PCED1B: variants seen among roughly 807,000 people sequenced by gnomAD.
PCED1B encodes PC-esterase domain containing 1B.
For synonymous variants in PCED1B, 251 were observed against 246.1 expected (o/e 1.02, Z -0.19); for missense variants, 573 against 573.9 (o/e 1.00, Z 0.02).
intron 2 of PCED1B, among the ~76,000 whole-genome samples, chr12:47,146,163 A>C (rs1467491013): frequency 6.6e-6 from 1 of 152,200 alleles, no homozygotes; most frequent in Non-Finnish European, 1.5e-5. Context: ...TGTAGCGCAA[A>C]TAGCAATGCA....
chr12:47,234,693 G>T (rs940762), intron 3 of PCED1B, among the ~76,000 whole-genome samples: 1 of 152,044 alleles, frequency 6.6e-6, no homozygotes, highest in African/African-American at 2.4e-5. Context: ...TCTCATCCCT[G>T]GGGAGGGTGG....
At chr12:47,159,895 A>G (rs1475179072) in intron 2 of PCED1B, among the ~76,000 whole-genome samples, 1 of 152,168 alleles carries the variant, frequency 6.6e-6, no homozygotes, top group Non-Finnish European at 1.5e-5. Context: ...TCTATAATCC[A>G]TCTTGAGTTG....
At chr12:47,103,296 C>CT (rs1938797724) in intron 1 of PCED1B, among the ~76,000 whole-genome samples, 1 of 152,056 alleles carries the variant, frequency 6.6e-6, no homozygotes, top group South Asian at 2.1e-4. Flanking sequence ...TTAAAAATGT[C>CT]TTATCTTGGA....
chr12:47,213,322 GA>G (rs1565604982), intron 2 of PCED1B, among the ~76,000 whole-genome samples: 1 of 151,980 alleles, frequency 6.6e-6, no homozygotes, highest in Admixed American at 6.6e-5. Flanking sequence ...GCTTTGAAGA[GA>G]AATTATCAAA....
chr12:47,123,532 C>A (rs1350880561), intron 2 of PCED1B, among the ~76,000 whole-genome samples: 1 of 151,966 alleles, frequency 6.6e-6, no homozygotes, highest in Non-Finnish European at 1.5e-5. Flanking sequence ...ATCAACAAAA[C>A]AATGTACCAA....
intron 2 of PCED1B, among the ~76,000 whole-genome samples, chr12:47,149,065 T>C (rs1209922732): frequency 6.6e-6 from 1 of 152,242 alleles, no homozygotes; most frequent in Non-Finnish European, 1.5e-5. Flanking sequence ...AGGATACCAT[T>C]AGCCTAACAA....
intron 1 of PCED1B, among the ~76,000 whole-genome samples, chr12:47,087,001 T>C (rs529065376): frequency 7.9e-5 from 12 of 152,312 alleles, no homozygotes; most frequent in Middle Eastern, 6.8e-3. Context: ...CAAAATAAAA[T>C]TGAGAGAGAA....
intron 2 of PCED1B, among the ~76,000 whole-genome samples, chr12:47,157,444 G>GC (rs1041514037): frequency 4.6e-5 from 7 of 152,048 alleles, no homozygotes; most frequent in African/African-American, 1.7e-4. Flanking sequence ...TTAAAAATTG[G>GC]CCAGGCATGG....
chr12:47,162,317 G>A (rs1042655325), intron 2 of PCED1B, among the ~76,000 whole-genome samples: 1 of 151,642 alleles, frequency 6.6e-6, no homozygotes, highest in East Asian at 1.9e-4. Context: ...GAAATGAGGT[G>A]TATTTTGGCT....
chr12:47,135,129 G>T (rs1325132846), intron 2 of PCED1B, among the ~76,000 whole-genome samples: 3 of 152,106 alleles, frequency 2.0e-5, no homozygotes, highest in African/African-American at 7.2e-5. Flanking sequence ...TACAAATAAT[G>T]CTTTAATTAA....
chr12:47,135,843 T>C (rs1241923450), intron 2 of PCED1B: 5 of 463,690 alleles, frequency 1.1e-5, no homozygotes, highest in Non-Finnish European at 2.2e-5. Flanking sequence ...GAGCATCTCA[T>C]GGTTGGTGGA....
chr12:47,128,133 G>A (rs986237181), intron 2 of PCED1B, among the ~76,000 whole-genome samples: 9 of 152,138 alleles, frequency 5.9e-5, no homozygotes, highest in African/African-American at 2.2e-4. Flanking sequence ...GAAATTGTTG[G>A]CTGATTATGC....
chr12:47,112,391 T>G (rs1939237861), intron 2 of PCED1B, among the ~76,000 whole-genome samples: 1 of 152,214 alleles, frequency 6.6e-6, no homozygotes, highest in African/African-American at 2.4e-5. Flanking sequence ...GTAAGATCCA[T>G]TTTAATAAGA....
chr12:47,186,216 TA>T (rs753026776), intron 2 of PCED1B, among the ~76,000 whole-genome samples: 70 of 88,230 alleles, frequency 7.9e-4, no homozygotes, highest in Admixed American at 2.8e-3. Context: ...AGACTCCGTC[TA>T]AAAAAAAAGA....
intron 2 of PCED1B, among the ~76,000 whole-genome samples, chr12:47,190,998 C>T (rs923515800): frequency 1.3e-5 from 2 of 152,200 alleles, no homozygotes; most frequent in Non-Finnish European, 2.9e-5. Context: ...AAAACCAGTT[C>T]ATTAATCTTG....
intron 2 of PCED1B, among the ~76,000 whole-genome samples, chr12:47,201,151 G>T (rs917999254): frequency 1.2e-4 from 18 of 152,140 alleles, no homozygotes; most frequent in East Asian, 3.9e-4. Context: ...GGGAGGGGGG[G>T]AGTCTAGTTA....
chr12:47,222,376 C>T (rs1440637737), intron 3 of PCED1B, among the ~76,000 whole-genome samples: 1 of 141,748 alleles, frequency 7.1e-6, no homozygotes, highest in Non-Finnish European at 1.5e-5. Flanking sequence ...GAGCTGAGAT[C>T]ACGCCATTGC....
At chr12:47,129,122 T>C (rs1049616077) in intron 2 of PCED1B, among the ~76,000 whole-genome samples, 2 of 152,212 alleles carry the variant, frequency 1.3e-5, no homozygotes, top group Non-Finnish European at 2.9e-5. Flanking sequence ...TTCTGCTTTC[T>C]GCCTTCCTTT....
intron 2 of PCED1B, among the ~76,000 whole-genome samples, chr12:47,196,516 C>T (rs1206185301): frequency 6.6e-6 from 1 of 152,248 alleles, no homozygotes; most frequent in Admixed American, 6.5e-5. Context: ...TTTAAAAACA[C>T]TGAAAAACTT....
Sources: gnomAD v4.1 joint callset for allele counts (sites outside exome capture counted in the v4.1 genomes callset) on GRCh38, gnomAD v4.1.1 for gene constraint, MANE v1.5 for transcripts, NCBI Gene and HGNC (gene_info 2026-07-23, HGNC 2026-07-21) for gene names.